The following PRKG1 variants were observed in gnomAD, a reference collection of about 807,000 sequenced individuals.
PRKG1 encodes the protein protein kinase cGMP-dependent 1.
PRKG1 carries 35 observed loss-of-function variants against 88.1 expected under a neutral mutation model. That is an observed-to-expected ratio of 0.40 (90% CI 0.30 to 0.53). The LOEUF is 0.53. Ranked by LOEUF, PRKG1 falls within the 20% of genes least tolerant of loss-of-function variation. PRKG1 has a pLI of 0.59. For synonymous variants in PRKG1, 303 were observed against 292.5 expected, an observed-to-expected ratio of 1.04 and a Z score of -0.37; for missense variants, 540 against 839.8, an observed-to-expected ratio of 0.64 and a Z score of 4.41.
intron 2 of PRKG1, among the ~76,000 whole-genome samples, chr10:51,284,164 G>A (rs74454196): frequency 1.3e-5 from 2 of 151,896 alleles, no homozygotes; most frequent in African/African-American, 2.4e-5. Context: ...TTAAATCAAG[G>A]GCTACAAAAT....
intron 9 of PRKG1, among the ~76,000 whole-genome samples, chr10:52,247,184 A>T (rs1256185978): frequency 6.6e-6 from 1 of 152,112 alleles, no homozygotes; most frequent in Admixed American, 6.6e-5. Flanking sequence ...AACAATAATA[A>T]TTTTTTTAAA....
intron 2 of PRKG1, among the ~76,000 whole-genome samples, chr10:51,424,786 A>T (rs1169469981): frequency 2.0e-5 from 3 of 152,134 alleles, no homozygotes; most frequent in Non-Finnish European, 4.4e-5. Flanking sequence ...GCATTAGACT[A>T]GCCACAGTAG....
intron 9 of PRKG1, among the ~76,000 whole-genome samples, chr10:52,245,028 AT>A (rs1013603148): frequency 6.7e-6 from 1 of 149,680 alleles, no homozygotes; most frequent in Non-Finnish European, 1.5e-5. Flanking sequence ...AATACTTTTT[AT>A]TTACTTTTCC....
At chr10:51,196,533 A>C (rs538919160) in intron 2 of PRKG1, among the ~76,000 whole-genome samples, 3 of 152,212 alleles carry the variant, frequency 2.0e-5, no homozygotes, top group Non-Finnish European at 4.4e-5. Context: ...ACCAACTTTT[A>C]TGCATGTTAA....
chr10:51,804,667 C>T lies in PRKG1; in HGVS notation c.675C>T (p.Thr225=), dbSNP rs142166726. 2,622 of 1,586,734 alleles carry T rather than the reference C, an allele frequency of 1.7e-3. 63 individuals are homozygous for T. The South Asian group carries it at 0.026, about 16-fold the overall frequency. ...TGAGGACAGGACTCATCAAGCATAC[C>T]GAGTATATGGAATTTTTAAAAAGGT... ...IMMRTGLIKH[T]EYMEFLKSVP... is the part of the protein sequence containing the mutation. The change falls in exon 4 of 18, where the codon ACC becomes ACT. Residue 225 remains threonine, a synonymous_variant. Coordinates refer to ENST00000373980, the MANE Select transcript of PRKG1 (RefSeq NM_006258.4).
At chr10:51,915,790 G>A (rs1243011824) in intron 5 of PRKG1, among the ~76,000 whole-genome samples, 1 of 152,040 alleles carries the variant, frequency 6.6e-6, no homozygotes, top group Non-Finnish European at 1.5e-5. Flanking sequence ...GATGAGAAAA[G>A]CACTTGAATA....
At chr10:51,170,468 A>G (rs911071932) in intron 2 of PRKG1, among the ~76,000 whole-genome samples, 1 of 150,718 alleles carries the variant, frequency 6.6e-6, no homozygotes, top group Admixed American at 6.6e-5. Context: ...ACACACACAC[A>G]CAACCAGGAG....
intron 3 of PRKG1, among the ~76,000 whole-genome samples, chr10:51,771,570 G>T (rs1020368870): frequency 2.0e-5 from 3 of 151,864 alleles, no homozygotes; most frequent in Non-Finnish European, 4.4e-5. Context: ...ATTATTCCAC[G>T]CTTGGCCTTG....
intron 2 of PRKG1, among the ~76,000 whole-genome samples, chr10:51,454,731 T>G (rs1186644301): frequency 6.6e-6 from 1 of 152,184 alleles, no homozygotes; most frequent in Admixed American, 6.5e-5. Context: ...CTCATTAAAC[T>G]TATTCACTAC....
intron 1 of PRKG1, among the ~76,000 whole-genome samples, chr10:51,060,458 A>T (rs1397617644): frequency 2.0e-5 from 3 of 152,106 alleles, no homozygotes; most frequent in Non-Finnish European, 2.9e-5. Context: ...TGTTATTTAT[A>T]CAAGTTGTGC....
chr10:51,078,477 AC>A (rs1407402211), intron 1 of PRKG1, among the ~76,000 whole-genome samples: 4 of 143,868 alleles, frequency 2.8e-5, no homozygotes, highest in Non-Finnish European at 6.0e-5. Flanking sequence ...TTATCAGCCC[AC>A]CTGGGCCTCC....
intron 2 of PRKG1, among the ~76,000 whole-genome samples, chr10:51,350,205 T>C (rs1842209437): frequency 6.6e-6 from 1 of 152,208 alleles, no homozygotes; most frequent in South Asian, 2.1e-4. Flanking sequence ...CAGACTCACA[T>C]GGCCTCAGCC....
At chr10:51,464,643 G>A (rs1014971873) in intron 2 of PRKG1, among the ~76,000 whole-genome samples, 1 of 151,920 alleles carries the variant, frequency 6.6e-6, no homozygotes. Context: ...TGTAATCCCA[G>A]CACTTTGGGA....
chr10:51,152,440 G>T (rs574265934), intron 1 of PRKG1, among the ~76,000 whole-genome samples: 1 of 152,174 alleles, frequency 6.6e-6, no homozygotes, highest in African/African-American at 2.4e-5. Context: ...GTTTCAAATA[G>T]CTAAGTAGGA....
chr10:51,484,315 C>T (rs942238531), intron 3 of PRKG1, among the ~76,000 whole-genome samples: 3 of 152,116 alleles, frequency 2.0e-5, no homozygotes, highest in East Asian at 1.9e-4. Flanking sequence ...TAAAGGCCAT[C>T]GACTTTCTTC....
At chr10:51,609,075 AT>A (rs956734378) in intron 3 of PRKG1, among the ~76,000 whole-genome samples, 8 of 151,688 alleles carry the variant, frequency 5.3e-5, no homozygotes, top group Non-Finnish European at 8.8e-5. Context: ...TTAGTTTATT[AT>A]TTTTTTCTTT....
chr10:51,807,823 T>C (rs1839345857), intron 4 of PRKG1, among the ~76,000 whole-genome samples: 1 of 152,172 alleles, frequency 6.6e-6, no homozygotes, highest in South Asian at 2.1e-4. Flanking sequence ...AAAAGGAGTC[T>C]GTCTCTATGA....
intron 5 of PRKG1, among the ~76,000 whole-genome samples, chr10:52,022,488 A>G (rs949692839): frequency 6.6e-6 from 1 of 152,200 alleles, no homozygotes; most frequent in African/African-American, 2.4e-5. Context: ...CAATTGTTAT[A>G]TGACAAATCC....
At chr10:52,193,366 T>C (rs1839413378) in intron 9 of PRKG1, among the ~76,000 whole-genome samples, 1 of 150,100 alleles carries the variant, frequency 6.7e-6, no homozygotes, top group Non-Finnish European at 1.5e-5. Flanking sequence ...CCAAACATGG[T>C]GAAACTCCAT....
Sources: gnomAD v4.1 joint callset for allele counts (sites outside exome capture counted in the v4.1 genomes callset) on GRCh38, gnomAD v4.1.1 for gene constraint, MANE v1.5 for transcripts, NCBI Gene and HGNC (gene_info 2026-07-23, HGNC 2026-07-21) for gene names.